The following SPAG17 variants were observed in gnomAD, a reference collection of about 807,000 sequenced individuals.
SPAG17 encodes sperm-associated antigen 17.
A neutral mutation model predicts 273.6 loss-of-function variants in SPAG17; 169 were observed. That is an observed-to-expected ratio of 0.62 (90% CI 0.55 to 0.70). The LOEUF (loss-of-function observed/expected upper bound fraction) is 0.70, where lower values mean the gene tolerates loss of function less well. Among genes scored for constraint, SPAG17 ranks in the 30% least tolerant of loss-of-function variants. The probability of loss-of-function intolerance (pLI) is 0.00; values close to 1 mark genes in which losing one functional copy is unlikely to be tolerated. For missense variants in SPAG17, 2,557 were observed against 2,627.8 expected (o/e 0.97, Z 0.59); for synonymous variants, 825 against 873.2 (o/e 0.94, Z 0.97).
intron 29 of SPAG17, among the ~76,000 whole-genome samples, chr1:118,014,782 T>C (rs976107799): frequency 6.6e-6 from 1 of 152,160 alleles, no homozygotes; most frequent in Non-Finnish European, 1.5e-5. Flanking sequence ...CAAATCTCCA[T>C]ATAAGATGTT....
At chr1:118,012,200 T>C (rs1015920760) in intron 30 of SPAG17, 28 bp downstream of exon 30, 1 of 1,596,728 alleles carries the variant, frequency 6.3e-7, no homozygotes, top group Non-Finnish European at 8.6e-7. Flanking sequence ...TATAAAATAT[T>C]GTCATGTACT....
At chr1:118,052,798 T>G (rs553791255) in intron 20 of SPAG17, among the ~76,000 whole-genome samples, 32 of 152,120 alleles carry the variant, frequency 2.1e-4, no homozygotes, top group African/African-American at 7.5e-4. Flanking sequence ...GATATAAAAA[T>G]TCCAAATAAA....
intron 24 of SPAG17, among the ~76,000 whole-genome samples, chr1:118,033,726 C>T (rs1019550643): frequency 1.3e-5 from 2 of 152,216 alleles, no homozygotes; most frequent in African/African-American, 2.4e-5. Flanking sequence ...CCACACTGAA[C>T]TTTTCACCTT....
intron 20 of SPAG17, among the ~76,000 whole-genome samples, chr1:118,050,440 T>C (rs566626672): frequency 6.6e-6 from 1 of 152,354 alleles, no homozygotes; most frequent in South Asian, 2.1e-4. Context: ...TTGAGGTTGC[T>C]GCAGACCCAT....
chr1:117,987,737 C>T, intron 40 of SPAG17, 97 bp downstream of exon 40: 1 of 1,202,952 alleles, frequency 8.3e-7, no homozygotes, highest in Non-Finnish European at 1.2e-6. Flanking sequence ...AATCAAATAA[C>T]ATCTGGGTGC....
chr1:118,142,921 T>C (rs748766022), intron 3 of SPAG17, among the ~76,000 whole-genome samples: 4 of 152,252 alleles, frequency 2.6e-5, no homozygotes, highest in African/African-American at 4.8e-5. Context: ...GAAAGGTCTC[T>C]CCACACTTTG....
intron 8 of SPAG17, 34 bp downstream of exon 8, chr1:118,093,122 T>C (rs1430998115): frequency 1.9e-6 from 3 of 1,578,590 alleles, no homozygotes; most frequent in African/African-American, 2.7e-5. Flanking sequence ...CAGTGAATCA[T>C]TCATCCCACT....
intron 8 of SPAG17, among the ~76,000 whole-genome samples, 188 bp downstream of exon 8, chr1:118,092,968 C>G (rs1655481254): frequency 6.6e-6 from 1 of 152,196 alleles, no homozygotes; most frequent in Admixed American, 6.5e-5. Context: ...CCATCCTTGC[C>G]TTTGTAAATG....
At chr1:117,967,042 C>T (rs2101455723) in intron 46 of SPAG17, among the ~76,000 whole-genome samples, 1 of 152,168 alleles carries the variant, frequency 6.6e-6, no homozygotes, top group Admixed American at 6.5e-5. Context: ...GGAAGTGGAA[C>T]TGAAGGCAAA....
intron 22 of SPAG17, among the ~76,000 whole-genome samples, chr1:118,040,448 T>C (rs1649605006): frequency 6.6e-6 from 1 of 151,844 alleles, no homozygotes; most frequent in African/African-American, 2.4e-5. Flanking sequence ...TTATTGCAGT[T>C]ACTATTACTA....
At chr1:118,011,113 A>G (rs1430915160) in intron 30 of SPAG17, among the ~76,000 whole-genome samples, 1 of 152,138 alleles carries the variant, frequency 6.6e-6, no homozygotes, top group Non-Finnish European at 1.5e-5. Context: ...ATGCTTATAC[A>G]CTGCTGGTGG....
intron 4 of SPAG17, among the ~76,000 whole-genome samples, chr1:118,102,623 G>A (rs1348848726): frequency 6.6e-6 from 1 of 152,202 alleles, no homozygotes; most frequent in African/African-American, 2.4e-5. Flanking sequence ...TCTGGGGCAT[G>A]CTTAGATTGG....
rs750605549 is a variant in SPAG17, at chr1:118,086,679, C to T, written c.1603G>A (p.Ala535Thr). Reference sequence around the variant, plus strand: ...AACCTGATTATTATTACCTGTAGTGCGTACTTCTTGTGGGCGTGTGCATCA... The same window carrying T: ...AACCTGATTATTATTACCTGTAGTGTGTACTTCTTGTGGGCGTGTGCATCA... ...YHDAHAHKKY[A>T]LQDQKNFDPV... is the part of the protein sequence containing the mutation. The change falls in exon 12 of 49, where the codon GCA becomes ACA. Residue 535 changes from alanine to threonine, a missense_variant. Physicochemically the swap from Ala to Thr is moderately conservative, Grantham distance 58 (BLOSUM62 0). Transcript: ENST00000336338. The T allele has an allele frequency of 3.1e-6, 5 of 1,613,946 alleles. No individual in the cohort carries two copies. The highest frequency in any genetic ancestry group is 2.2e-5 in the East Asian group (1 of 44,886).
At chr1:118,148,602 G>C (rs771552290) in intron 3 of SPAG17, among the ~76,000 whole-genome samples, 13 of 152,166 alleles carry the variant, frequency 8.5e-5, no homozygotes, top group Non-Finnish European at 1.5e-4. Context: ...ACAGAGCACT[G>C]ATTGGTGCAT....
intron 48 of SPAG17, among the ~76,000 whole-genome samples, chr1:117,958,369 C>T (rs897124044): frequency 2.0e-5 from 3 of 152,132 alleles, no homozygotes; most frequent in East Asian, 1.9e-4. Context: ...CTATGGTATA[C>T]GTGCTATTGA....
intron 3 of SPAG17, among the ~76,000 whole-genome samples, chr1:118,148,368 T>A (rs112285067): frequency 2.0e-5 from 3 of 151,932 alleles, no homozygotes; most frequent in African/African-American, 7.3e-5. Context: ...AAAAAACAAA[T>A]CCTCCACACT....
chr1:118,133,408 T>A (rs1658166229), intron 3 of SPAG17, among the ~76,000 whole-genome samples: 1 of 152,044 alleles, frequency 6.6e-6, no homozygotes, highest in African/African-American at 2.4e-5. Flanking sequence ...GGCTCAGAAG[T>A]ACCTAGGTGC....
chr1:118,149,521 A>C (rs1392261607), intron 3 of SPAG17, among the ~76,000 whole-genome samples: 1 of 152,240 alleles, frequency 6.6e-6, no homozygotes, highest in Non-Finnish European at 1.5e-5. Context: ...ACATTATAAA[A>C]AAGAGACAAA....
Position 117,953,691 on chromosome 1 carries a change from G to T in SPAG17, c.*359C>A. On this transcript the variant is annotated 3_prime_UTR_variant, in exon 49 of 49. Coordinates refer to ENST00000336338, the MANE Select transcript of SPAG17 (RefSeq NM_206996.4). Reference sequence around the variant, plus strand: ...GGATTATAACCTGTTTCCTTCTCTTGTAACCAAAGATGGGAGTAGTCCTGA... The same window carrying T: ...GGATTATAACCTGTTTCCTTCTCTTTTAACCAAAGATGGGAGTAGTCCTGA... The T allele has an allele frequency of 1.3e-6, 1 of 751,580 alleles. No individual in the cohort carries two copies. The highest frequency in any genetic ancestry group is 2.1e-6 in the Non-Finnish European group (1 of 470,284). 46.6% of individuals were successfully genotyped at this position (751,580 alleles called of 1,614,324 possible).
Sources: allele counts gnomAD v4.1 joint callset (sites outside exome capture counted in the v4.1 genomes callset), GRCh38; gene constraint gnomAD v4.1.1; transcripts MANE v1.5; gene names NCBI Gene and HGNC (gene_info 2026-07-23, HGNC 2026-07-21).